TSNARE1: variants seen among roughly 807,000 people sequenced by gnomAD.
TSNARE1 encodes t-SNARE domain containing 1.
In TSNARE1, 49 loss-of-function variants were observed where a neutral mutation model predicts 62.0. That is an observed-to-expected ratio of 0.79 (90% CI 0.63 to 1.00). The LOEUF is 1.00. Among genes scored for constraint, TSNARE1 ranks in the 50% least tolerant of loss-of-function variants. TSNARE1 has a pLI of 0.00. For missense variants in TSNARE1, 755 were observed against 700.1 expected (o/e 1.08, Z -0.88); for synonymous variants, 328 against 294.4 (o/e 1.11, Z -1.17).
intron 11 of TSNARE1, chr8:142,276,354 A>C (rs1181648609): frequency 2.0e-6 from 2 of 985,362 alleles, no homozygotes; most frequent in Non-Finnish European, 2.4e-6. Flanking sequence ...AGATGGGGCC[A>C]GAGGTGTGAC....
At chr8:142,330,735 C>A (rs532152646) in intron 6 of TSNARE1, among the ~76,000 whole-genome samples, 166 bp downstream of exon 6, 6 of 152,070 alleles carry the variant, frequency 3.9e-5, no homozygotes, top group Non-Finnish European at 7.3e-5. Flanking sequence ...ACTGACTAGG[C>A]TTATCCGCAG....
chr8:142,338,300 T>C (rs1226069698), intron 4 of TSNARE1, among the ~76,000 whole-genome samples: 1 of 152,184 alleles, frequency 6.6e-6, no homozygotes, highest in Non-Finnish European at 1.5e-5. Context: ...CGGCCGTGTG[T>C]GGGATTACAA....
intron 12 of TSNARE1, among the ~76,000 whole-genome samples, chr8:142,234,213 G>A (rs1328896038): frequency 6.6e-6 from 1 of 151,890 alleles, no homozygotes; most frequent in Non-Finnish European, 1.5e-5. Context: ...CCACCACCAT[G>A]GGTTCAGGGA....
chr8:142,329,271 C>T (rs932071545), intron 6 of TSNARE1, among the ~76,000 whole-genome samples: 6 of 152,176 alleles, frequency 3.9e-5, no homozygotes, highest in African/African-American at 7.2e-5. Flanking sequence ...GAGCTAAGGC[C>T]GGCCCAGGGG....
At chr8:142,375,964 C>T (rs1233847849) in intron 1 of TSNARE1, among the ~76,000 whole-genome samples, 1 of 152,146 alleles carries the variant, frequency 6.6e-6, no homozygotes, top group Non-Finnish European at 1.5e-5. Flanking sequence ...ATCTGGCTGC[C>T]CCTCCAGGTC....
chr8:142,366,758 T>C (rs1330197199), intron 1 of TSNARE1, among the ~76,000 whole-genome samples: 1 of 152,222 alleles, frequency 6.6e-6, no homozygotes, highest in Non-Finnish European at 1.5e-5. Flanking sequence ...TCAACACTGT[T>C]ATGGTGGTGT....
chr8:142,233,727 G>A (rs972662843), intron 12 of TSNARE1, among the ~76,000 whole-genome samples: 8 of 152,118 alleles, frequency 5.3e-5, no homozygotes, highest in Admixed American at 3.3e-4. Flanking sequence ...TTTGGAAGGC[G>A]GCTTGCTCCC....
chr8:142,293,002 C>T (rs1191640567), intron 10 of TSNARE1, among the ~76,000 whole-genome samples: 1 of 152,158 alleles, frequency 6.6e-6, no homozygotes, highest in Non-Finnish European at 1.5e-5. Flanking sequence ...GACCACGGCT[C>T]GCCTTTCCTG....
At chr8:142,348,047 T>G (rs532414970) in intron 2 of TSNARE1, among the ~76,000 whole-genome samples, 1 of 152,206 alleles carries the variant, frequency 6.6e-6, no homozygotes, top group African/African-American at 2.4e-5. Flanking sequence ...CCTGGGACAT[T>G]TGCTGTTTGC....
chr8:142,403,330 C>T (rs1474490369), upstream of TSNARE1: 4 of 152,006 alleles, frequency 2.6e-5, no homozygotes, highest in Non-Finnish European at 5.9e-5. Context: ...GCCAAGAGGC[C>T]TCTGCGGGTG....
At chr8:142,361,923 T>C (rs1489162366) in intron 1 of TSNARE1, among the ~76,000 whole-genome samples, 1 of 152,210 alleles carries the variant, frequency 6.6e-6, no homozygotes, top group African/African-American at 2.4e-5. Context: ...CACAAATTTC[T>C]GCTCTCCAAA....
chr8:142,348,200 T>A (rs1833628052), intron 2 of TSNARE1, among the ~76,000 whole-genome samples: 1 of 152,198 alleles, frequency 6.6e-6, no homozygotes, highest in Non-Finnish European at 1.5e-5. Context: ...ATGCTGCACG[T>A]ATGGCTTTGC....
In TSNARE1 at chr8:142,344,159, C is replaced by T. The variant is rs771563890; in HGVS notation, c.552G>A (p.Leu184=). 7 of 1,613,210 alleles carry T rather than the reference C, an allele frequency of 4.3e-6. No homozygotes were observed. Among genetic ancestry groups the T allele is most frequent in the Non-Finnish European group, 5.9e-6 (7 of 1,179,872 alleles). ...CTCGTAGGTCCCGCCACTTGTGCTTCAGGTCCACAACGTCGCGGCGACAGT... is the reference window on the plus strand; with the variant it reads ...CTCGTAGGTCCCGCCACTTGTGCTTTAGGTCCACAACGTCGCGGCGACAGT... The part of the protein sequence containing the change: ...LGYCRRDVVD[L]KHKWRDLRAV... The change falls in exon 4 of 14, where the codon CTG becomes CTA. Residue 184 remains leucine (L), a synonymous_variant. Coordinates refer to ENST00000524325, the MANE Select transcript of TSNARE1 (RefSeq NM_145003.5).
At chr8:142,285,201 C>A (rs1185147487) in intron 10 of TSNARE1, among the ~76,000 whole-genome samples, 1 of 124,794 alleles carries the variant, frequency 8.0e-6, no homozygotes, top group Admixed American at 8.0e-5. Flanking sequence ...GGTGGATGGG[C>A]GAGTGGATGG....
chr8:142,321,212 C>T (rs909927547), intron 6 of TSNARE1, among the ~76,000 whole-genome samples: 1 of 152,152 alleles, frequency 6.6e-6, no homozygotes, highest in African/African-American at 2.4e-5. Context: ...TTCCATGATG[C>T]TCGTCCCAAT....
chr8:142,403,957 T>TG (rs1043492763), upstream of TSNARE1: 26 of 152,200 alleles, frequency 1.7e-4, no homozygotes, highest in African/African-American at 5.8e-4. Context: ...GGACAATGGG[T>TG]GTGTGTCCTT....
chr8:142,293,115 C>T (rs546408465), intron 10 of TSNARE1, among the ~76,000 whole-genome samples: 2 of 152,288 alleles, frequency 1.3e-5, no homozygotes, highest in South Asian at 2.1e-4. Context: ...AAACGCAAAC[C>T]CCTCCCTCGA....
At chr8:142,234,859 C>T (rs994401630) in intron 12 of TSNARE1, among the ~76,000 whole-genome samples, 1 of 151,816 alleles carries the variant, frequency 6.6e-6, no homozygotes, top group Non-Finnish European at 1.5e-5. Context: ...GTCCCCTCGT[C>T]CCCCCACAAC....
chr8:142,377,028 C>T (rs1836395084), intron 1 of TSNARE1, among the ~76,000 whole-genome samples: 1 of 152,236 alleles, frequency 6.6e-6, no homozygotes, highest in African/African-American at 2.4e-5. Context: ...CCTGTCCCAT[C>T]TCTCTGCTGT....
Sources: gnomAD v4.1 joint callset for allele counts (sites outside exome capture counted in the v4.1 genomes callset) on GRCh38, gnomAD v4.1.1 for gene constraint, MANE v1.5 for transcripts, NCBI Gene and HGNC (gene_info 2026-07-23, HGNC 2026-07-21) for gene names.